The following RIMBP2 variants were observed in gnomAD, a reference collection of about 807,000 sequenced individuals.
The protein encoded by RIMBP2 is RIMS-binding protein 2.
In RIMBP2, 48 loss-of-function variants were observed where a neutral mutation model predicts 118.6. The observed-to-expected ratio is 0.40, with a 90% CI of 0.32 to 0.51. RIMBP2 has a LOEUF of 0.51. Ranked by LOEUF, RIMBP2 falls within the 20% of genes least tolerant of loss-of-function variation. RIMBP2 has a pLI of 0.41. For missense variants in RIMBP2, 1,551 were observed against 1,768.3 expected (o/e 0.88, Z 2.20); for synonymous variants, 762 against 742.9 (o/e 1.03, Z -0.42).
At chr12:130,449,713 G>C (rs1486545864) in intron 9 of RIMBP2, among the ~76,000 whole-genome samples, 4 of 152,140 alleles carry the variant, frequency 2.6e-5, no homozygotes, top group African/African-American at 9.7e-5. Context: ...CTGCAGCGGG[G>C]CAGATTCCAA....
intron 2 of RIMBP2, among the ~76,000 whole-genome samples, chr12:130,549,222 CAAATAA>C (rs960183342): frequency 2.1e-4 from 32 of 152,194 alleles, no homozygotes; most frequent in African/African-American, 7.5e-4. Flanking sequence ...TCCTCAAATC[CAAATAA>C]AAACAGCCTC....
intron 1 of RIMBP2, among the ~76,000 whole-genome samples, chr12:130,714,720 C>G (rs1356798740): frequency 2.0e-5 from 3 of 152,224 alleles, no homozygotes; most frequent in Non-Finnish European, 4.4e-5. Context: ...AAGGGGTGCC[C>G]GCCGGCCTTC....
At chr12:130,634,407 A>C (rs1312124165) in intron 1 of RIMBP2, among the ~76,000 whole-genome samples, 1 of 152,110 alleles carries the variant, frequency 6.6e-6, no homozygotes, top group East Asian at 1.9e-4. Flanking sequence ...GCCCTATCTC[A>C]CACACTCCTC....
At chr12:130,414,460 G>C (rs1300622197) in intron 17 of RIMBP2, 154 bp from the exon 18 acceptor site, 6 of 672,280 alleles carry the variant, frequency 8.9e-6, no homozygotes, top group Non-Finnish European at 1.5e-5. Context: ...TAGATCGGGA[G>C]GTCTAGGTCA....
At chr12:130,568,002 A>G (rs1003747472) in intron 2 of RIMBP2, among the ~76,000 whole-genome samples, 1 of 152,260 alleles carries the variant, frequency 6.6e-6, no homozygotes, top group East Asian at 1.9e-4. Context: ...ATTAAAAAAA[A>G]AGGCCCGTGG....
At chr12:130,516,955 G>C (rs553326841) in intron 3 of RIMBP2, among the ~76,000 whole-genome samples, 3 of 152,288 alleles carry the variant, frequency 2.0e-5, no homozygotes, top group South Asian at 4.2e-4. Context: ...GTGGAGAGGA[G>C]GGGGAGGAGA....
chr12:130,618,861 A>G (rs1020746638), intron 2 of RIMBP2, among the ~76,000 whole-genome samples: 1 of 152,226 alleles, frequency 6.6e-6, no homozygotes, highest in African/African-American at 2.4e-5. Context: ...TAATAGTGCA[A>G]GCCTCAGCCC....
At chr12:130,535,978 G>A (rs373117419) in intron 2 of RIMBP2, among the ~76,000 whole-genome samples, 2 of 151,692 alleles carry the variant, frequency 1.3e-5, no homozygotes, top group Non-Finnish European at 2.9e-5. Context: ...TTGTAGAGAC[G>A]GGGTTTCACC....
At chr12:130,521,528 A>G (rs1054037215) in intron 2 of RIMBP2, among the ~76,000 whole-genome samples, 83 of 152,188 alleles carry the variant, frequency 5.5e-4, no homozygotes, top group African/African-American at 1.9e-3. Context: ...ACACAAACGC[A>G]CGCGTGGTCC....
chr12:130,543,867 T>C (rs2054840040), intron 2 of RIMBP2, among the ~76,000 whole-genome samples: 1 of 152,248 alleles, frequency 6.6e-6, no homozygotes. Flanking sequence ...TAAGTCATTT[T>C]ATGCCTCTTG....
chr12:130,591,731 T>G (rs1243468044), intron 2 of RIMBP2, among the ~76,000 whole-genome samples: 2 of 152,184 alleles, frequency 1.3e-5, no homozygotes, highest in Non-Finnish European at 2.9e-5. Flanking sequence ...CAGGACGATC[T>G]CACCCAGAGA....
At chr12:130,607,543 T>C (rs2060264020) in intron 2 of RIMBP2, among the ~76,000 whole-genome samples, 1 of 151,870 alleles carries the variant, frequency 6.6e-6, no homozygotes, top group South Asian at 2.1e-4. Context: ...TGCTGCTTAT[T>C]CATGGTGCTT....
intron 2 of RIMBP2, among the ~76,000 whole-genome samples, chr12:130,566,060 T>C (rs572533805): frequency 6.6e-5 from 10 of 152,308 alleles, no homozygotes; most frequent in Non-Finnish European, 1.0e-4. Context: ...GTCAAATCTG[T>C]AATCTGCCTG....
chr12:130,619,674 G>A (rs531752301), intron 2 of RIMBP2, among the ~76,000 whole-genome samples: 8 of 152,228 alleles, frequency 5.3e-5, no homozygotes, highest in South Asian at 2.1e-4. Flanking sequence ...CAAGGGGACC[G>A]CACAGACACC....
rs2061413701 is a variant in RIMBP2 at position 130,622,989 on chromosome 12, G to A, written c.-217+5333C>T. On this transcript the variant is annotated intron_variant, in intron 2 of 22. Transcript: ENST00000690449. The surrounding 1 kb of genome is among the most constrained non-coding windows in gnomAD (Gnocchi z 8.5). ...AACAGATGGCGTGGACTGAGGTCTG[G>A]GGATACTGTTGGGGCCATTTCCTTC... Among the ~76,000 whole-genome samples, 1 of 152,178 alleles carries A rather than the reference G, an allele frequency of 6.6e-6. No homozygotes were observed. The highest frequency in any genetic ancestry group is 1.5e-5 in the Non-Finnish European group (1 of 68,042).
chr12:130,591,711 C>A (rs1163050375), intron 2 of RIMBP2, among the ~76,000 whole-genome samples: 1 of 152,160 alleles, frequency 6.6e-6, no homozygotes, highest in East Asian at 1.9e-4. Context: ...TACCACCCAC[C>A]CAGGTGCTCC....
intron 4 of RIMBP2, among the ~76,000 whole-genome samples, chr12:130,482,330 G>A (rs2082084408): frequency 6.6e-6 from 1 of 152,192 alleles, no homozygotes; most frequent in Non-Finnish European, 1.5e-5. Flanking sequence ...CACCTACTAG[G>A]TGCCAAGAAG....
chr12:130,642,272 G>C (rs2062658270), intron 1 of RIMBP2, among the ~76,000 whole-genome samples: 1 of 115,238 alleles, frequency 8.7e-6, no homozygotes, highest in Non-Finnish European at 1.9e-5. Flanking sequence ...TCTGGGTTTA[G>C]TTTAGTTTTG....
intron 2 of RIMBP2, among the ~76,000 whole-genome samples, chr12:130,546,672 A>T (rs4628716): frequency 6.6e-6 from 1 of 152,038 alleles, no homozygotes; most frequent in Non-Finnish European, 1.5e-5. Context: ...CCTTCTTTTC[A>T]TGCAAAACGA....
Sources: gnomAD v4.1 joint callset for allele counts (sites outside exome capture counted in the v4.1 genomes callset) on GRCh38, gnomAD v4.1.1 for gene constraint, Gnocchi (gnomAD v3.1) non-coding constraint, MANE v1.5 for transcripts, NCBI Gene and HGNC (gene_info 2026-07-23, HGNC 2026-07-21) for gene names.